The following LYRM4 variants were observed in gnomAD, a reference collection of about 807,000 sequenced individuals.
LYRM4 encodes the protein LYR motif-containing protein 4.
In LYRM4, 9 loss-of-function variants were observed where a neutral mutation model predicts 11.7. The observed-to-expected ratio is 0.77, with a 90% CI of 0.46 to 1.34. The LOEUF (loss-of-function observed/expected upper bound fraction) is 1.34, where lower values mean the gene tolerates loss of function less well. Among genes scored for constraint, LYRM4 ranks in the 40% most tolerant of loss-of-function variants. The pLI, the probability that LYRM4 is intolerant of heterozygous loss-of-function variation, is 0.00. For synonymous variants in LYRM4, 42 were observed against 40.4 expected (o/e 1.04, Z -0.15); for missense variants, 133 against 112.5 (o/e 1.18, Z -0.82).
the LYRM4 span, among the ~76,000 whole-genome samples, chr6:5,048,311 G>GTGTGTA: frequency 1.3e-5 from 2 of 151,144 alleles, no homozygotes; most frequent in East Asian, 3.9e-4. Flanking sequence ...GTGTGTGTGT[G>GTGTGTA]TGTGTGTGTG....
chr6:5,100,749 G>A (rs112473828), downstream of LYRM4, among the ~76,000 whole-genome samples: 2 of 152,236 alleles, frequency 1.3e-5, no homozygotes, highest in African/African-American at 4.8e-5. Flanking sequence ...GCCTGTGGAC[G>A]TGTGTTCCTG....
At chr6:5,132,608 A>C (rs1764007441) in intron 2 of LYRM4, 1 of 152,224 alleles carries the variant, frequency 6.6e-6, no homozygotes, top group Non-Finnish European at 1.5e-5. Context: ...CCAGGAGCAC[A>C]TCTCAGCTAC....
chr6:5,241,776 G>A (rs1206259288), intron 1 of LYRM4, among the ~76,000 whole-genome samples: 1 of 152,178 alleles, frequency 6.6e-6, no homozygotes. Flanking sequence ...GCAGGCATAT[G>A]TTATATATCA....
intron 1 of LYRM4, among the ~76,000 whole-genome samples, chr6:5,245,155 T>A (rs1379771573): frequency 6.2e-5 from 5 of 80,284 alleles, no homozygotes; most frequent in South Asian, 4.6e-4. Context: ...TATATATATA[T>A]ATATATATAA....
At chr6:5,210,007 C>A (rs1761911767) in intron 2 of LYRM4, among the ~76,000 whole-genome samples, 1 of 152,172 alleles carries the variant, frequency 6.6e-6, no homozygotes, top group South Asian at 2.1e-4. Flanking sequence ...AGGAAGAAGG[C>A]TAACAGCAGA....
At chr6:5,184,575 C>T (rs1372819633) in intron 2 of LYRM4, among the ~76,000 whole-genome samples, 3 of 152,150 alleles carry the variant, frequency 2.0e-5, no homozygotes, top group Admixed American at 1.3e-4. Flanking sequence ...TTTAAGTCAT[C>T]TGGTACTTAG....
chr6:5,081,340 G>T, the LYRM4 span, among the ~76,000 whole-genome samples: 5 of 152,186 alleles, frequency 3.3e-5, no homozygotes, highest in African/African-American at 1.2e-4. Flanking sequence ...GGAGTGGTGT[G>T]GGAGCCAGAG....
At position 5,252,118 on chromosome 6, in the gene LYRM4, GAA is replaced by G. The variant is rs547836005; in HGVS notation, c.86+8528_86+8529del. Among the ~76,000 whole-genome samples the G allele has an allele frequency of 1.6e-3, 239 of 152,306 alleles. 1 individual carries two copies. The highest frequency in any genetic ancestry group is 2.1e-3 in the Non-Finnish European group (145 of 68,032). On this transcript the variant is annotated intron_variant, in intron 1 of 2. Transcript: ENST00000330636. ...AGGACTTAGGAATTTTACCACTCAT[GAA>G]ACTAGGGAGCCTGTTTAACCATTTC...
the LYRM4 span, among the ~76,000 whole-genome samples, chr6:5,040,639 C>T: frequency 4.6e-5 from 7 of 151,934 alleles, no homozygotes; most frequent in African/African-American, 1.2e-4. Context: ...GCTTCAACTT[C>T]GAGAATAATT....
chr6:5,170,185 T>C (rs1271643964), intron 2 of LYRM4, among the ~76,000 whole-genome samples: 1 of 152,196 alleles, frequency 6.6e-6, no homozygotes, highest in African/African-American at 2.4e-5. Context: ...GCAAGGTAAA[T>C]GTCAACATCA....
downstream of LYRM4, among the ~76,000 whole-genome samples, chr6:5,100,391 CG>C (rs545458771): frequency 6.5e-4 from 99 of 152,320 alleles, 1 homozygote; most frequent in African/African-American, 2.2e-3. Context: ...CCTTCCAGAG[CG>C]GATTTCTCTT....
At chr6:5,197,666 G>C (rs563841386) in intron 2 of LYRM4, among the ~76,000 whole-genome samples, 1 of 151,912 alleles carries the variant, frequency 6.6e-6, no homozygotes, top group Non-Finnish European at 1.5e-5. Flanking sequence ...AGAGTGAGAC[G>C]CTGCCTCAAA....
intron 2 of LYRM4, among the ~76,000 whole-genome samples, chr6:5,178,992 G>A (rs1307891615): frequency 6.9e-6 from 1 of 145,862 alleles, no homozygotes; most frequent in Non-Finnish European, 1.5e-5. Flanking sequence ...TGATCTATAG[G>A]CCATGCACTT....
At chr6:5,259,007 G>T (rs945935343) in intron 1 of LYRM4, among the ~76,000 whole-genome samples, 2 of 152,180 alleles carry the variant, frequency 1.3e-5, no homozygotes, top group African/African-American at 4.8e-5. Flanking sequence ...AAATGGAAGG[G>T]TCCTTAGAGA....
At chr6:5,223,247 T>C (rs1220069337) in intron 1 of LYRM4, among the ~76,000 whole-genome samples, 1 of 152,240 alleles carries the variant, frequency 6.6e-6, no homozygotes, top group Admixed American at 6.5e-5. Flanking sequence ...GTCATTTGCA[T>C]TGCTGTTTTG....
At chr6:5,058,099 TACA>T in the LYRM4 span, among the ~76,000 whole-genome samples, 86 of 152,262 alleles carry the variant, frequency 5.6e-4, 1 homozygote, top group Middle Eastern at 0.01. Flanking sequence ...AGGTTCCAAA[TACA>T]ACAACATCTC....
chr6:5,036,574 C>A, the LYRM4 span, among the ~76,000 whole-genome samples: 3 of 152,232 alleles, frequency 2.0e-5, no homozygotes, highest in Non-Finnish European at 2.9e-5. Flanking sequence ...CCACTGCTTT[C>A]TCTGCCTGCC....
intron 2 of LYRM4, among the ~76,000 whole-genome samples, chr6:5,124,037 T>C (rs1294655244): frequency 1.3e-5 from 2 of 152,156 alleles, no homozygotes; most frequent in Non-Finnish European, 2.9e-5. Flanking sequence ...TTGGTAGTCC[T>C]CTGCTCTCCC....
intron 1 of LYRM4, among the ~76,000 whole-genome samples, chr6:5,220,611 C>T (rs997458270): frequency 1.3e-5 from 2 of 152,192 alleles, no homozygotes; most frequent in Non-Finnish European, 2.9e-5. Context: ...AGCATGTCCC[C>T]ATATTCCACA....
Sources: allele counts gnomAD v4.1 joint callset (sites outside exome capture counted in the v4.1 genomes callset), GRCh38; gene constraint gnomAD v4.1.1; transcripts MANE v1.5; gene names NCBI Gene and HGNC (gene_info 2026-07-23, HGNC 2026-07-21).